The following RCAN2 variants were observed in gnomAD, a reference collection of about 807,000 sequenced individuals.
RCAN2 encodes the protein regulator of calcineurin 2.
RCAN2 carries 9 observed loss-of-function variants against 23.6 expected under a neutral mutation model. The observed-to-expected ratio is 0.38, with a 90% CI of 0.23 to 0.67. The LOEUF (loss-of-function observed/expected upper bound fraction) is 0.67, where lower values mean the gene tolerates loss of function less well. Among genes scored for constraint, RCAN2 ranks in the 30% least tolerant of loss-of-function variants. The pLI is 0.51. For missense variants in RCAN2, 273 were observed against 302.3 expected (o/e 0.90, Z 0.72); for synonymous variants, 109 against 115.7 (o/e 0.94, Z 0.37).
intron 2 of RCAN2, among the ~76,000 whole-genome samples, chr6:46,441,054 G>T (rs1479772651): frequency 6.6e-6 from 1 of 152,164 alleles, no homozygotes; most frequent in African/African-American, 2.4e-5. Flanking sequence ...CTGGTTATTA[G>T]AAAACCTCCT....
intron 2 of RCAN2, among the ~76,000 whole-genome samples, chr6:46,413,308 A>G (rs1766599316): frequency 6.6e-6 from 1 of 152,244 alleles, no homozygotes; most frequent in Non-Finnish European, 1.5e-5. Context: ...GACAGATTAC[A>G]TCCTGGAAAC....
chr6:46,441,812 G>C (rs201198061), intron 2 of RCAN2, among the ~76,000 whole-genome samples: 1 of 151,980 alleles, frequency 6.6e-6, no homozygotes, highest in East Asian at 1.9e-4. Context: ...AAGGGGCAGG[G>C]GCATATGGTT....
intron 2 of RCAN2, among the ~76,000 whole-genome samples, chr6:46,312,303 T>C (rs1763290754): frequency 6.6e-6 from 1 of 152,214 alleles, no homozygotes; most frequent in Non-Finnish European, 1.5e-5. Flanking sequence ...GATGTTATTA[T>C]GTATGTGCAT....
intron 4 of RCAN2, among the ~76,000 whole-genome samples, chr6:46,231,187 A>AC (rs1183736651): frequency 5.9e-5 from 9 of 152,162 alleles, no homozygotes; most frequent in Non-Finnish European, 1.2e-4. Flanking sequence ...CTTATAGAAA[A>AC]AGGAAGTTTG....
At chr6:46,372,140 G>A (rs1397998375) in intron 2 of RCAN2, among the ~76,000 whole-genome samples, 1 of 152,148 alleles carries the variant, frequency 6.6e-6, no homozygotes, top group South Asian at 2.1e-4. Context: ...CTTCCAGATG[G>A]CATGCTCATG....
chr6:46,313,491 G>A (rs1440382213), intron 2 of RCAN2, among the ~76,000 whole-genome samples: 1 of 152,176 alleles, frequency 6.6e-6, no homozygotes, highest in African/African-American at 2.4e-5. Context: ...ATATCCCATA[G>A]CCTTCAACCT....
At chr6:46,468,665 G>T in intron 1 of RCAN2, 1 of 252,408 alleles carries the variant, frequency 4.0e-6, no homozygotes, top group Non-Finnish European at 6.3e-6. Flanking sequence ...TATAATGCTG[G>T]CTCCCAGCAC....
In RCAN2 at chr6:46,224,852, A is replaced by G. The variant is rs550008818; in HGVS notation, c.572-1551T>C. Among the ~76,000 whole-genome samples the G allele has an allele frequency of 4.6e-5, 7 of 151,940 alleles. No individual in the cohort carries two copies. In the South Asian group the frequency reaches 8.3e-4, roughly 18 times the overall value. ...TGTGCACAATGTGCAGGTTTGTTACATATGTATACATGTGCCATGTTGGTG... is the reference window on the plus strand; with the variant it reads ...TGTGCACAATGTGCAGGTTTGTTACGTATGTATACATGTGCCATGTTGGTG... On this transcript the variant is annotated intron_variant, in intron 4 of 4. Coordinates refer to ENST00000371374, the MANE Select transcript of RCAN2 (RefSeq NM_001251974.2).
chr6:46,244,245 C>T (rs902661193), intron 4 of RCAN2, among the ~76,000 whole-genome samples: 5 of 152,176 alleles, frequency 3.3e-5, no homozygotes, highest in South Asian at 4.1e-4. Flanking sequence ...TTTACCACTC[C>T]GAGCTCCCCA....
At chr6:46,426,940 T>G (rs1767048650) in intron 2 of RCAN2, among the ~76,000 whole-genome samples, 1 of 152,198 alleles carries the variant, frequency 6.6e-6, no homozygotes, top group South Asian at 2.1e-4. Context: ...TGAATCCTTT[T>G]ACTAACTTAT....
At chr6:46,464,008 A>G (rs1768302128) in intron 1 of RCAN2, among the ~76,000 whole-genome samples, 1 of 152,166 alleles carries the variant, frequency 6.6e-6, no homozygotes, top group Non-Finnish European at 1.5e-5. Flanking sequence ...AATAGAATAA[A>G]TGGAAATGAT....
chr6:46,468,621 C>T (rs1443371278), intron 1 of RCAN2, among the ~76,000 whole-genome samples: 2 of 152,330 alleles, frequency 1.3e-5, no homozygotes, highest in Non-Finnish European at 2.9e-5. Flanking sequence ...GTTTTTACAT[C>T]TCCTTCCATA....
intron 1 of RCAN2, among the ~76,000 whole-genome samples, chr6:46,484,818 A>G (rs1234883810): frequency 3.3e-5 from 5 of 152,166 alleles, no homozygotes; most frequent in Non-Finnish European, 5.9e-5. Flanking sequence ...CAACTCCCTA[A>G]AAGAAAGCCT....
intron 2 of RCAN2, among the ~76,000 whole-genome samples, chr6:46,262,866 C>G (rs1335470605): frequency 6.6e-6 from 1 of 152,144 alleles, no homozygotes; most frequent in African/African-American, 2.4e-5. Context: ...CCGCCAGTAA[C>G]AGCCTTTTCC....
At chr6:46,452,538 G>T (rs1337559837) in intron 2 of RCAN2, among the ~76,000 whole-genome samples, 33 of 152,034 alleles carry the variant, frequency 2.2e-4, no homozygotes, top group Admixed American at 2.2e-3. Flanking sequence ...CATTCTTCAG[G>T]GTCCAATATA....
Position 46,447,834 on chromosome 6 carries a change from G to A in RCAN2, c.225+8918C>T, listed in dbSNP as rs1286208432. Among the ~76,000 whole-genome samples the A allele has an allele frequency of 4.0e-5, 6 of 151,430 alleles. No homozygotes were observed. The East Asian group carries it at 1.2e-3, about 29-fold the overall frequency. ...ACTAAAATCTAGTAGCATACTATGA[G>A]ATACAGCAAAATATATCTAAGAAAA... On this transcript the variant is annotated intron_variant, in intron 2 of 4. Transcript: ENST00000371374.
At chr6:46,246,956 C>T in intron 3 of RCAN2, 37 bp from the exon 4 acceptor site, 1 of 1,467,692 alleles carries the variant, frequency 6.8e-7, no homozygotes, top group East Asian at 2.5e-5. Flanking sequence ...ACTTATTCAT[C>T]ATGGCTTCAG....
intron 2 of RCAN2, 92 bp downstream of exon 2, chr6:46,456,660 A>G: frequency 1.0e-6 from 1 of 974,368 alleles, no homozygotes; most frequent in Non-Finnish European, 1.5e-6. Flanking sequence ...ATTTCCAAAA[A>G]CTTCAAAACA....
At chr6:46,240,455 T>C (rs1214403186) in intron 4 of RCAN2, among the ~76,000 whole-genome samples, 1 of 151,770 alleles carries the variant, frequency 6.6e-6, no homozygotes, top group East Asian at 1.9e-4. Context: ...TGAAAAAACC[T>C]TTTTTTTCCA....
Sources: allele counts gnomAD v4.1 joint callset (sites outside exome capture counted in the v4.1 genomes callset), GRCh38; gene constraint gnomAD v4.1.1; transcripts MANE v1.5; gene names NCBI Gene and HGNC (gene_info 2026-07-23, HGNC 2026-07-21).